UNC79: variants seen among roughly 807,000 people sequenced by gnomAD.
UNC79 encodes the protein protein unc-79 homolog.
A neutral mutation model predicts 283.1 loss-of-function variants in UNC79; 37 were observed. The observed-to-expected ratio is 0.13, with a 90% CI of 0.10 to 0.17. The LOEUF (loss-of-function observed/expected upper bound fraction) is 0.17, where lower values mean the gene tolerates loss of function less well. Ranked by LOEUF, UNC79 falls within the 10% of genes least tolerant of loss-of-function variation. The pLI is 1.00. For synonymous variants in UNC79, 1,107 were observed against 1,200.2 expected (o/e 0.92, Z 1.61); for missense variants, 2,272 against 3,211.1 (o/e 0.71, Z 7.07).
chr14:93,405,660 A>G (rs931206672), intron 1 of UNC79, among the ~76,000 whole-genome samples: 3 of 152,218 alleles, frequency 2.0e-5, no homozygotes, highest in Non-Finnish European at 4.4e-5. Context: ...GAAATCCACA[A>G]GAAAAAGATG....
chr14:93,458,020 A>C (rs892037225), intron 1 of UNC79, among the ~76,000 whole-genome samples: 6 of 152,244 alleles, frequency 3.9e-5, no homozygotes, highest in Admixed American at 3.3e-4. Context: ...CATAATTTTT[A>C]CTTAAACCAT....
chr14:93,634,193 T>C (rs746009672), intron 31 of UNC79, among the ~76,000 whole-genome samples: 4 of 152,212 alleles, frequency 2.6e-5, no homozygotes, highest in Non-Finnish European at 4.4e-5. Context: ...TTAAATTTGT[T>C]ATTTGTCTTA....
chr14:93,538,078 C>CA lies in UNC79; in HGVS notation c.1214dup (p.Arg406GlufsTer9). 1 of 1,614,198 alleles carries CA rather than the reference C, an allele frequency of 6.2e-7. No homozygotes were observed. The highest frequency in any genetic ancestry group is 8.5e-7 in the Non-Finnish European group (1 of 1,180,038). On this transcript the variant is annotated frameshift_variant, in exon 12 of 49. Coordinates refer to ENST00000555664, the Ensembl canonical transcript of UNC79. LOFTEE classifies it high-confidence loss of function. ...ACGGAAACAGGCCTGTTCGGTACTGCAAGAGGTGCCACTCAAATCATCACA... is the reference window on the plus strand; with the variant it reads ...ACGGAAACAGGCCTGTTCGGTACTGCAAAGAGGTGCCACTCAAATCATCACA...
chr14:93,582,557 C>T (rs971149419), intron 20 of UNC79, among the ~76,000 whole-genome samples: 15 of 152,158 alleles, frequency 9.9e-5, no homozygotes, highest in South Asian at 2.1e-4. Flanking sequence ...TTTCTGGCAG[C>T]GGGCACCGGT....
chr14:93,627,439 T>C (rs1010137252), intron 30 of UNC79, among the ~76,000 whole-genome samples: 1 of 152,216 alleles, frequency 6.6e-6, no homozygotes, highest in African/African-American at 2.4e-5. Context: ...TTTATTTAGT[T>C]CGAGAGTCTA....
intron 22 of UNC79, among the ~76,000 whole-genome samples, chr14:93,591,817 C>T (rs953259562): frequency 2.0e-5 from 3 of 152,150 alleles, no homozygotes; most frequent in Non-Finnish European, 4.4e-5. Context: ...GCGAGAACTG[C>T]GAGGGATCAC....
rs201940637 is a variant in UNC79 at position 93,496,985 on chromosome 14, A to G, written c.769-172A>G. Reference sequence around the variant, plus strand: ...ATCAGTAAATAAATAAATCATGAAAATATAATGTTTTGACGTGATCTAATC... The same window carrying G: ...ATCAGTAAATAAATAAATCATGAAAGTATAATGTTTTGACGTGATCTAATC... On this transcript the variant is annotated intron_variant, in intron 6 of 48. Transcript: ENST00000555664. 8.5e-5 allele frequency among the ~76,000 whole-genome samples: 13 copies of G among 152,352 alleles called. No homozygotes were observed. In the East Asian group the frequency reaches 2.5e-3, roughly 29 times the overall value.
At chr14:93,657,351 ATTTT>A (rs11322674) in intron 38 of UNC79, among the ~76,000 whole-genome samples, 2 of 136,876 alleles carry the variant, frequency 1.5e-5, no homozygotes, top group African/African-American at 2.7e-5. Context: ...GGTATGGCAA[ATTTT>A]TTTTTTTTTT....
Position 93,603,157 on chromosome 14 carries a change from A to G in UNC79, c.3575-82A>G, listed in dbSNP as rs2065636138. ...ATGTATTTTAATATTGAAACTCTAC[A>G]CAGATGGATTGTTTTAGACTAGGTG... On this transcript the variant is annotated intron_variant, in intron 25 of 48. Coordinates refer to ENST00000555664, the Ensembl canonical transcript of UNC79. 3 of 1,483,304 alleles carry G rather than the reference A, an allele frequency of 2.0e-6. No homozygotes were observed. The South Asian group carries it at 4.0e-5, about 20-fold the overall frequency. The allele number at this position is 1,483,304 out of a possible 1,614,324, so 91.9% of individuals were successfully genotyped here.
chr14:93,572,036 G>A, exon 15 of UNC79: 1 of 1,614,214 alleles, frequency 6.2e-7, no homozygotes, highest in Non-Finnish European at 8.5e-7. Flanking sequence ...GAAGCCATCA[G>A]AACAGAAGTC....
chr14:93,373,585 T>C (rs370508987), intron 1 of UNC79, among the ~76,000 whole-genome samples: 1 of 152,210 alleles, frequency 6.6e-6, no homozygotes, highest in Non-Finnish European at 1.5e-5. Flanking sequence ...TAGGCTGATA[T>C]GTATCAAAGA....
chr14:93,543,744 A>G (rs923889207), intron 14 of UNC79, among the ~76,000 whole-genome samples: 16 of 152,148 alleles, frequency 1.1e-4, no homozygotes, highest in African/African-American at 3.9e-4. Context: ...TGGCAGTAAT[A>G]TGTGAAATTT....
At chr14:93,477,890 C>T (rs975285658) in intron 4 of UNC79, among the ~76,000 whole-genome samples, 162 bp downstream of exon 4, 11 of 151,904 alleles carry the variant, frequency 7.2e-5, no homozygotes, top group African/African-American at 1.9e-4. Flanking sequence ...GATATTATGG[C>T]GAAAGTCAAA....
At chr14:93,477,792 G>T in intron 4 of UNC79, 64 bp downstream of exon 4, 2 of 1,470,218 alleles carry the variant, frequency 1.4e-6, no homozygotes, top group Non-Finnish European at 1.8e-6. Context: ...AATTGCTTTT[G>T]CTGTTATAGG....
chr14:93,686,765 C>T (rs956421212), intron 43 of UNC79, 104 bp downstream of exon 46: 31 of 1,272,132 alleles, frequency 2.4e-5, no homozygotes, highest in African/African-American at 7.4e-5. Context: ...GGGAGGCAGC[C>T]GTGGCACTGT....
chr14:93,516,958 T>G (rs2140922277), intron 7 of UNC79, among the ~76,000 whole-genome samples: 1 of 152,252 alleles, frequency 6.6e-6, no homozygotes, highest in East Asian at 1.9e-4. Context: ...TTTTATGATT[T>G]TATATGCTAT....
At chr14:93,411,084 C>T (rs575669176) in intron 1 of UNC79, among the ~76,000 whole-genome samples, 18 of 152,138 alleles carry the variant, frequency 1.2e-4, no homozygotes, top group Admixed American at 2.0e-4. Context: ...CGCATTGCCC[C>T]GAAGGGTGAG....
intron 1 of UNC79, among the ~76,000 whole-genome samples, chr14:93,450,041 C>G (rs1413603348): frequency 6.6e-6 from 1 of 152,186 alleles, no homozygotes; most frequent in African/African-American, 2.4e-5. Flanking sequence ...TCCTTGAGAG[C>G]TCCTCTTCAG....
At chr14:93,653,996 T>C in exon 37 of UNC79, 5 of 1,614,116 alleles carry the variant, frequency 3.1e-6, no homozygotes, top group Non-Finnish European at 4.2e-6. Flanking sequence ...TGAGCTGAGC[T>C]CCATCGCAGC....
Sources: gnomAD v4.1 joint callset for allele counts (sites outside exome capture counted in the v4.1 genomes callset) on GRCh38, gnomAD v4.1.1 for gene constraint, MANE v1.5 for transcripts, NCBI Gene and HGNC (gene_info 2026-07-23, HGNC 2026-07-21) for gene names.